EFNA5: variants seen among roughly 807,000 people sequenced by gnomAD.
EFNA5 encodes the protein ephrin A5.
EFNA5 carries 5 observed loss-of-function variants against 22.9 expected under a neutral mutation model. The ratio of observed to expected loss-of-function variants is 0.22; its 90% CI spans 0.11 to 0.46. The LOEUF is 0.46. EFNA5 is among the 20% of genes least tolerant of loss of function. EFNA5 has a pLI of 0.99. For synonymous variants in EFNA5, 113 were observed against 112.2 expected (o/e 1.01, Z -0.04); for missense variants, 237 against 293.3 (o/e 0.81, Z 1.40).
intron 1 of EFNA5, among the ~76,000 whole-genome samples, chr5:107,628,630 T>C (rs548598055): frequency 9.9e-5 from 15 of 152,226 alleles, no homozygotes; most frequent in South Asian, 2.1e-4. Flanking sequence ...AGGGGAACCA[T>C]AGATAAATAC....
At chr5:107,426,871 G>A in intron 2 of EFNA5, 2 of 245,022 alleles carry the variant, frequency 8.2e-6, no homozygotes, top group Middle Eastern at 1.5e-3. Context: ...ATGACTCCAA[G>A]CTATGTAAAT....
At chr5:107,556,045 A>G (rs904320061) in intron 1 of EFNA5, among the ~76,000 whole-genome samples, 1 of 152,048 alleles carries the variant, frequency 6.6e-6, no homozygotes, top group Non-Finnish European at 1.5e-5. Flanking sequence ...TCCAAAATAT[A>G]CCCATTCTGA....
chr5:107,436,863 CA>C (rs1335351882), intron 1 of EFNA5, among the ~76,000 whole-genome samples: 1 of 152,028 alleles, frequency 6.6e-6, no homozygotes, highest in Non-Finnish European at 1.5e-5. Context: ...CTTCTAGATA[CA>C]AAAGAGAGGA....
chr5:107,619,070 T>G (rs1008966302), intron 1 of EFNA5, among the ~76,000 whole-genome samples: 2 of 151,670 alleles, frequency 1.3e-5, no homozygotes, highest in African/African-American at 4.8e-5. Flanking sequence ...TACAGGCACC[T>G]GACACCACGC....
intron 2 of EFNA5, among the ~76,000 whole-genome samples, chr5:107,421,248 A>G (rs1275074356): frequency 6.6e-6 from 1 of 152,242 alleles, no homozygotes; most frequent in African/African-American, 2.4e-5. Context: ...CATACATTTA[A>G]GCATCTACAG....
chr5:107,390,623 A>T (rs1044122834), intron 2 of EFNA5, among the ~76,000 whole-genome samples: 2 of 151,904 alleles, frequency 1.3e-5, no homozygotes, highest in African/African-American at 4.8e-5. Flanking sequence ...GGCTCTAGAG[A>T]TACATCACTT....
intron 2 of EFNA5, 74 bp from the exon 3 acceptor site, chr5:107,387,845 A>T: frequency 9.6e-7 from 1 of 1,038,066 alleles, no homozygotes; most frequent in Non-Finnish European, 1.4e-6. Flanking sequence ...TTTCACATAC[A>T]AATGATGAAC....
chr5:107,619,354 C>T (rs866467597), intron 1 of EFNA5, among the ~76,000 whole-genome samples: 5 of 152,166 alleles, frequency 3.3e-5, no homozygotes, highest in East Asian at 1.9e-4. Context: ...GCATGTCATC[C>T]ATGCAAGCCT....
At chr5:107,509,949 C>T (rs1400686603) in intron 1 of EFNA5, among the ~76,000 whole-genome samples, 1 of 152,142 alleles carries the variant, frequency 6.6e-6, no homozygotes. Context: ...TCACTGTATG[C>T]TACTGTCAAA....
rs531045689 is a variant in EFNA5, at chr5:107,483,497, A to G, written c.126-55988T>C. Among the ~76,000 whole-genome samples, 7 of 152,278 alleles carry G rather than the reference A, an allele frequency of 4.6e-5. No homozygotes were observed. The East Asian group carries it at 1.4e-3, about 29-fold the overall frequency. ...GCCTGAAACTCAGCATCAGGTCCTC[A>G]AAGAATAGAGCCTGGATAAATCTCC... On this transcript the variant is annotated intron_variant, in intron 1 of 4. Transcript: ENST00000333274.
intron 1 of EFNA5, among the ~76,000 whole-genome samples, chr5:107,630,184 A>C (rs1750220329): frequency 6.6e-6 from 1 of 152,228 alleles, no homozygotes; most frequent in South Asian, 2.1e-4. Context: ...CAGGGAAGGC[A>C]AAAGATGGAA....
intron 2 of EFNA5, among the ~76,000 whole-genome samples, chr5:107,401,301 T>C (rs921188653): frequency 6.6e-6 from 1 of 152,190 alleles, no homozygotes; most frequent in Non-Finnish European, 1.5e-5. Context: ...ATCAATCTAT[T>C]TTGCCGCTGC....
chr5:107,624,532 T>G (rs1750105083), intron 1 of EFNA5, among the ~76,000 whole-genome samples: 1 of 152,164 alleles, frequency 6.6e-6, no homozygotes, highest in Admixed American at 6.5e-5. Flanking sequence ...CCAGCACAGG[T>G]GTCTATATTC....
chr5:107,439,905 G>C (rs1331888015), intron 1 of EFNA5, among the ~76,000 whole-genome samples: 1 of 152,068 alleles, frequency 6.6e-6, no homozygotes, highest in Non-Finnish European at 1.5e-5. Flanking sequence ...TGCATTCTAG[G>C]GGCAAAAGAA....
intron 1 of EFNA5, among the ~76,000 whole-genome samples, chr5:107,629,790 C>T (rs1750210247): frequency 6.6e-6 from 1 of 152,174 alleles, no homozygotes; most frequent in South Asian, 2.1e-4. Flanking sequence ...GGCATGGTGG[C>T]TCATGCCTGT....
intron 1 of EFNA5, among the ~76,000 whole-genome samples, chr5:107,511,138 T>C (rs1352224925): frequency 6.6e-6 from 1 of 151,942 alleles, no homozygotes; most frequent in Non-Finnish European, 1.5e-5. Flanking sequence ...GTGATTCTCC[T>C]GTCTCAGCCT....
intron 2 of EFNA5, among the ~76,000 whole-genome samples, chr5:107,410,602 T>G (rs1215810922): frequency 6.6e-6 from 1 of 152,222 alleles, no homozygotes; most frequent in East Asian, 1.9e-4. Flanking sequence ...CACTGTATAT[T>G]GCACCACTCG....
At position 107,591,740 on chromosome 5, in the gene EFNA5, G is replaced by T. The variant is rs1215822312; in HGVS notation, c.125+78749C>A. 4.2e-5 allele frequency among the ~76,000 whole-genome samples: 6 copies of T among 143,220 alleles called. No homozygotes were observed. In the East Asian group the frequency reaches 1.2e-3, roughly 29 times the overall value. 94.0% of individuals were successfully genotyped at this position (143,220 alleles called of 152,430 possible). A position where few individuals can be genotyped will look rare whatever the true frequency, so the allele number is the denominator to read the frequency against. On this transcript the variant is annotated intron_variant, in intron 1 of 4. Transcript: ENST00000333274. ...GGAGGCTGAGGCAGGAGAATTGCTT[G>T]ACCCTGGGAGGCGGAAGTTGCAGTG...
intron 1 of EFNA5, among the ~76,000 whole-genome samples, chr5:107,623,258 T>G (rs1029935614): frequency 1.3e-5 from 2 of 152,098 alleles, no homozygotes; most frequent in Non-Finnish European, 2.9e-5. Flanking sequence ...TTCATCTCTC[T>G]GAATAATCAG....
Sources: allele counts gnomAD v4.1 joint callset (sites outside exome capture counted in the v4.1 genomes callset), GRCh38; gene constraint gnomAD v4.1.1; transcripts MANE v1.5; gene names NCBI Gene and HGNC (gene_info 2026-07-23, HGNC 2026-07-21).